Variants in CDC27 observed in about 807,000 individuals in gnomAD.
The protein encoded by CDC27 is cell division cycle protein 27 homolog.
In CDC27, 27 loss-of-function variants were observed where a neutral mutation model predicts 109.7. The ratio of observed to expected loss-of-function variants is 0.25; its 90% CI spans 0.18 to 0.34. The LOEUF (loss-of-function observed/expected upper bound fraction) is 0.34. CDC27 is among the 10% of genes least tolerant of loss of function. CDC27 has a pLI of 1.00. For missense variants in CDC27, 579 were observed against 960.2 expected (o/e 0.60, Z 5.25); for synonymous variants, 266 against 333.9 (o/e 0.80, Z 2.22).
chr17:47,134,780 G>GTTTTT (rs1440693664), intron 14 of CDC27, among the ~76,000 whole-genome samples: 1 of 137,066 alleles, frequency 7.3e-6, no homozygotes, highest in East Asian at 2.1e-4. Context: ...GGCCTTAATT[G>GTTTTT]TTTTCTTTTT....
intron 5 of CDC27, 144 bp from the exon 6 acceptor site, chr17:47,157,528 C>T (rs2063353602): frequency 3.7e-6 from 2 of 538,952 alleles, no homozygotes; most frequent in Non-Finnish European, 6.4e-6. Flanking sequence ...ATCAAATTTA[C>T]CCCCAAAAAA....
Position 47,173,034 on chromosome 17 carries a change from G to A in CDC27, c.104-970C>T, listed in dbSNP as rs1275235439. 3.3e-5 allele frequency among the ~76,000 whole-genome samples: 5 copies of A among 152,332 alleles called. No individual in the cohort carries two copies. In the East Asian group the frequency reaches 9.6e-4, roughly 29 times the overall value. The stretch of plus-strand genomic sequence containing the variant: ...ACCCACTAAATTAGTAATTCTGGGA[G>A]TAGGAACCAGTAATCTACGTGGTTA... On this transcript the variant is annotated intron_variant, in intron 2 of 18. Coordinates refer to ENST00000066544, the MANE Select transcript of CDC27 (RefSeq NM_001256.6).
chr17:47,169,258 T>C (rs2063739521), intron 4 of CDC27, among the ~76,000 whole-genome samples: 1 of 152,210 alleles, frequency 6.6e-6, no homozygotes, highest in African/African-American at 2.4e-5. Context: ...CCCGAAGTGT[T>C]GAGATTACAG....
intron 7 of CDC27, among the ~76,000 whole-genome samples, chr17:47,155,587 G>A (rs1311169880): frequency 6.6e-6 from 1 of 152,046 alleles, no homozygotes; most frequent in Non-Finnish European, 1.5e-5. Flanking sequence ...TTTTGGATAT[G>A]TATCCTCTGG....
At chr17:47,144,105 A>T (rs1392769091) in intron 9 of CDC27, 123 bp from the exon 10 acceptor site, 8 of 339,420 alleles carry the variant, frequency 2.4e-5, no homozygotes, top group Non-Finnish European at 4.2e-5. Flanking sequence ...AAAGTTGATG[A>T]ATTTGATCAG....
chr17:47,145,711 G>A (rs1447532940), intron 9 of CDC27, among the ~76,000 whole-genome samples: 3 of 152,020 alleles, frequency 2.0e-5, no homozygotes, highest in Non-Finnish European at 2.9e-5. Context: ...GATCATCCTG[G>A]CCAACATGGT....
At position 47,179,630 on chromosome 17, in the gene CDC27, GTTA is replaced by G. The variant is rs779180628; in HGVS notation, c.103+1929_103+1931del. Among the ~76,000 whole-genome samples the G allele has an allele frequency of 2.3e-4, 35 of 152,286 alleles. 1 individual carries two copies. In the South Asian group the frequency reaches 2.7e-3, roughly 12 times the overall value. Reference sequence around the variant, plus strand: ...GAAATCAATAAGTGATAGAATTATTGTTATTATTACTGAGCCAGGATAGTATCT... The same window carrying G: ...GAAATCAATAAGTGATAGAATTATTGTTATTACTGAGCCAGGATAGTATCT... On this transcript the variant is annotated intron_variant, in intron 2 of 18. Coordinates refer to ENST00000066544, the MANE Select transcript of CDC27 (RefSeq NM_001256.6).
rs1439685774 is a variant in CDC27, at chr17:47,129,501, T to C, written c.2052A>G (p.Lys684=). Residue 684 remains lysine, a synonymous_variant, in exon 16 of 19, where the codon AAA becomes AAG. Coordinates refer to ENST00000066544, the MANE Select transcript of CDC27 (RefSeq NM_001256.6). ...HIGVVQHALK[K]SEKALDTLNK... is the part of the protein sequence containing the mutation. ...TTAGGGTATCCAAAGCCTTCTCTGA[T>C]TTTTTCAGTGCATGTTGAACCTGTA... 6.2e-7 allele frequency: 1 copy of C among 1,605,898 alleles called. No homozygotes were observed. The highest frequency in any genetic ancestry group is 8.5e-7 in the Non-Finnish European group (1 of 1,174,606).
At position 47,138,839 on chromosome 17, in the gene CDC27, C is replaced by A; in HGVS notation, c.1604G>T (p.Gly535Val). ...VRRIENYRVE[G>V]MEIYSTTLWH... The stretch of plus-strand genomic sequence containing the variant: ...AAGTGTTGTAGAGTAGATCTCCATG[C>A]CTTCAACTCTATAATTCTCAATCCT... The change falls in exon 13 of 19, where the codon GGC becomes GTC. Residue 535 changes from glycine to valine, a missense_variant. Gly to Val is a moderately radical substitution (Grantham distance 109, BLOSUM62 -3). This residue lies in a region of CDC27 where 227 missense variants were observed against 363.6 expected (regional missense o/e 0.62). Coordinates refer to ENST00000066544, the MANE Select transcript of CDC27 (RefSeq NM_001256.6). The A allele has an allele frequency of 6.2e-7, 1 of 1,602,428 alleles. No homozygotes were observed. Among genetic ancestry groups the A allele is most frequent in the Non-Finnish European group, 8.5e-7 (1 of 1,171,406 alleles).
At chr17:47,155,436 G>C (rs150913248) in intron 7 of CDC27, among the ~76,000 whole-genome samples, 1 of 152,146 alleles carries the variant, frequency 6.6e-6, no homozygotes, top group African/African-American at 2.4e-5. Flanking sequence ...AGTAGAGATA[G>C]GGTTTCACCA....
Position 47,167,227 on chromosome 17 carries a change from T to TA in CDC27, c.377+2689dup, listed in dbSNP as rs1691884636. 6.6e-5 allele frequency among the ~76,000 whole-genome samples: 10 copies of TA among 152,250 alleles called. 1 individual carries two copies. In the South Asian group the frequency reaches 2.1e-3, roughly 31 times the overall value. On this transcript the variant is annotated intron_variant, in intron 4 of 18. Coordinates refer to ENST00000066544, the MANE Select transcript of CDC27 (RefSeq NM_001256.6). ...ATTTTCTTATCCATGTGTGACTTTT[T>TA]ATTATCTAATGCAACTTTTTTCAAC... is the stretch of plus-strand genomic sequence containing the variant.
At chr17:47,168,408 A>C (rs943877463) in intron 4 of CDC27, among the ~76,000 whole-genome samples, 2 of 152,204 alleles carry the variant, frequency 1.3e-5, no homozygotes, top group African/African-American at 4.8e-5. Context: ...GTCAAAGACC[A>C]AATATATATA....
At chr17:47,157,432 T>C in intron 5 of CDC27, 48 bp from the exon 6 acceptor site, 1 of 1,462,938 alleles carries the variant, frequency 6.8e-7, no homozygotes, top group South Asian at 1.2e-5. Context: ...AAGTGAGGAA[T>C]ACATGTTTTT....
At chr17:47,180,195 T>A (rs1342878221) in intron 2 of CDC27, among the ~76,000 whole-genome samples, 1 of 152,234 alleles carries the variant, frequency 6.6e-6, no homozygotes, top group Non-Finnish European at 1.5e-5. Flanking sequence ...TATTTTTAAA[T>A]AGATTATTCA....
intron 16 of CDC27, among the ~76,000 whole-genome samples, chr17:47,129,021 T>A (rs1201663210): frequency 6.6e-6 from 1 of 152,306 alleles, no homozygotes; most frequent in Middle Eastern, 3.4e-3. Context: ...TCCGCCCGCC[T>A]TGGTCTCCCA....
rs746798199 is a variant in CDC27 at position 47,151,870 on chromosome 17, T to C, written c.1006A>G (p.Ser336Gly). 1 of 1,606,692 alleles carries C rather than the reference T, an allele frequency of 6.2e-7. No individual in the cohort carries two copies. The highest frequency in any genetic ancestry group is 8.5e-7 in the Non-Finnish European group (1 of 1,176,506). The change falls in exon 9 of 19, where the codon AGT becomes GGT. Residue 336 changes from serine (S) to glycine (G), a missense_variant. Around this residue, in one of 9 missense-constraint regions of CDC27, gnomAD observed 74 missense variants for 148.9 expected, o/e 0.50. Transcript: ENST00000066544. Reference protein sequence around the residue: ...QTGTKSVFSQSGNSREVTPIL... With the variant: ...QTGTKSVFSQGGNSREVTPIL... Reference sequence around the variant, plus strand: ...GGAGTTACCTCTCGGCTATTTCCACTCTGTGAGAAGACAGACTTTGTTCCA... The same window carrying C: ...GGAGTTACCTCTCGGCTATTTCCACCCTGTGAGAAGACAGACTTTGTTCCA...
intron 4 of CDC27, among the ~76,000 whole-genome samples, chr17:47,160,643 C>T (rs1489029086): frequency 6.6e-6 from 1 of 151,996 alleles, no homozygotes; most frequent in African/African-American, 2.4e-5. Context: ...GCTTCAATAT[C>T]AAATGGAAAA....
At chr17:47,147,567 C>T (rs1437041492) in intron 9 of CDC27, among the ~76,000 whole-genome samples, 1 of 151,368 alleles carries the variant, frequency 6.6e-6, no homozygotes. Context: ...CAAATACATC[C>T]TATACGTTCA....
chr17:47,135,822 A>G (rs1170017742), intron 14 of CDC27, among the ~76,000 whole-genome samples: 2 of 152,114 alleles, frequency 1.3e-5, no homozygotes, highest in Non-Finnish European at 2.9e-5. Context: ...TTGGGAAAAA[A>G]TCAAAAACAA....
Sources: allele counts gnomAD v4.1 joint callset (sites outside exome capture counted in the v4.1 genomes callset), GRCh38; gene constraint gnomAD v4.1.1; regional missense constraint gnomAD v4.1.1; transcripts MANE v1.5; gene names NCBI Gene and HGNC (gene_info 2026-07-23, HGNC 2026-07-21).